LMNTD1: variants seen among roughly 807,000 people sequenced by gnomAD.
LMNTD1 encodes the protein lamin tail domain-containing protein 1.
A neutral mutation model predicts 50.9 loss-of-function variants in LMNTD1; 35 were observed. The observed-to-expected ratio is 0.69, with a 90% CI of 0.53 to 0.91. LMNTD1 has a LOEUF of 0.91. Among genes scored for constraint, LMNTD1 ranks in the 40% least tolerant of loss-of-function variants. The probability of loss-of-function intolerance (pLI) is 0.00; values close to 1 mark genes in which losing one functional copy is unlikely to be tolerated. For synonymous variants in LMNTD1, 153 were observed against 161.9 expected (o/e 0.94, Z 0.42); for missense variants, 470 against 475.5 (o/e 0.99, Z 0.11).
At chr12:25,568,103 C>T (rs1944634252) in intron 1 of LMNTD1, among the ~76,000 whole-genome samples, 1 of 152,104 alleles carries the variant, frequency 6.6e-6, no homozygotes, top group Non-Finnish European at 1.5e-5. Context: ...CAGTGAAGTC[C>T]AGTCTGAGAA....
chr12:25,490,124 T>C (rs939709865), intron 9 of LMNTD1, among the ~76,000 whole-genome samples: 2 of 152,236 alleles, frequency 1.3e-5, no homozygotes, highest in Admixed American at 1.3e-4. Flanking sequence ...TGTATTCTTC[T>C]GTAACACTAT....
At chr12:25,571,815 G>A (rs1944811780) in intron 1 of LMNTD1, among the ~76,000 whole-genome samples, 1 of 151,980 alleles carries the variant, frequency 6.6e-6, no homozygotes, top group South Asian at 2.1e-4. Context: ...GATTACAGGT[G>A]ACCACCACCA....
intron 1 of LMNTD1, among the ~76,000 whole-genome samples, chr12:25,630,066 C>T (rs969359619): frequency 3.3e-5 from 5 of 152,036 alleles, no homozygotes; most frequent in African/African-American, 1.2e-4. Context: ...AAAACCATTG[C>T]CACTTTTGGG....
intron 2 of LMNTD1, among the ~76,000 whole-genome samples, chr12:25,551,049 T>A (rs957793980): frequency 6.6e-6 from 1 of 152,208 alleles, no homozygotes; most frequent in Non-Finnish European, 1.5e-5. Flanking sequence ...AGAGGTAAAC[T>A]GTCAGATTAC....
intron 8 of LMNTD1, among the ~76,000 whole-genome samples, chr12:25,509,694 G>T (rs971498651): frequency 6.6e-6 from 1 of 152,120 alleles, no homozygotes; most frequent in African/African-American, 2.4e-5. Context: ...AGGTCCTGGT[G>T]GATTAGTATA....
chr12:25,601,698 T>C (rs1945980220), intron 1 of LMNTD1, among the ~76,000 whole-genome samples: 1 of 152,042 alleles, frequency 6.6e-6, no homozygotes, highest in South Asian at 2.1e-4. Flanking sequence ...TACAAGTTTA[T>C]AAAGAAAGAA....
chr12:25,476,249 G>C lies in LMNTD1; in HGVS notation c.*234C>G, dbSNP rs1021805553. 2 of 152,158 alleles carry C rather than the reference G, an allele frequency of 1.3e-5. No individual in the cohort carries two copies. Among genetic ancestry groups the C allele is most frequent in the African/African-American group, 4.8e-5 (2 of 41,436 alleles). The allele number at this position is 152,158 out of a possible 1,614,324, so 9.4% of individuals were successfully genotyped here. ...CTAACCATCTGCTTGTTTTCTGCAG[G>C]GATTTGGAAGGCAGGAGTGGTAGGA... On this transcript the variant is annotated 3_prime_UTR_variant, in exon 10 of 10. Transcript: ENST00000458174.
chr12:25,560,807 G>A (rs575348180), intron 1 of LMNTD1, among the ~76,000 whole-genome samples: 1 of 152,262 alleles, frequency 6.6e-6, no homozygotes, highest in South Asian at 2.1e-4. Context: ...GTGAATGGGA[G>A]TTCACTCATG....
At chr12:25,641,132 A>G (rs926833486) in intron 1 of LMNTD1, among the ~76,000 whole-genome samples, 2 of 152,190 alleles carry the variant, frequency 1.3e-5, no homozygotes, top group African/African-American at 2.4e-5. Context: ...GTACTCAACC[A>G]GTATGTTTTG....
At chr12:25,580,700 T>C (rs756225042) in intron 1 of LMNTD1, among the ~76,000 whole-genome samples, 2 of 152,214 alleles carry the variant, frequency 1.3e-5, no homozygotes, top group East Asian at 1.9e-4. Flanking sequence ...AGCTACACTA[T>C]GGATTTGGTA....
At chr12:25,492,878 T>G (rs929623302) in intron 9 of LMNTD1, among the ~76,000 whole-genome samples, 8 of 152,188 alleles carry the variant, frequency 5.3e-5, no homozygotes, top group Non-Finnish European at 1.0e-4. Flanking sequence ...AAGCTCACAA[T>G]CTACTTTTCT....
In LMNTD1 at chr12:25,520,152, A is replaced by G. The variant is rs893064439; in HGVS notation, c.799-77T>C. The stretch of plus-strand genomic sequence containing the variant: ...ATGCTGTTATGAGATATACATATAT[A>G]TATATATATATATATATATATATAG... On this transcript the variant is annotated intron_variant, in intron 6 of 9. Coordinates refer to ENST00000458174, the MANE Select transcript of LMNTD1 (RefSeq NM_001145728.2). 3.9e-4 allele frequency: 78 copies of G among 197,960 alleles called. 21 individuals carry two copies. The East Asian group carries it at 5.9e-3, about 15-fold the overall frequency. The allele number at this position is 197,960 out of a possible 1,614,324, so 12.3% of individuals were successfully genotyped here. A position where few individuals can be genotyped will look rare whatever the true frequency, so the allele number is the denominator to read the frequency against.
At chr12:25,501,029 G>C (rs550717168) in intron 9 of LMNTD1, among the ~76,000 whole-genome samples, 12 of 152,280 alleles carry the variant, frequency 7.9e-5, no homozygotes, top group African/African-American at 2.9e-4. Flanking sequence ...TCACTCTGTT[G>C]CCCGGGCTGG....
chr12:25,575,674 C>T (rs139877292), intron 1 of LMNTD1, among the ~76,000 whole-genome samples: 1 of 118,166 alleles, frequency 8.5e-6, no homozygotes, highest in Non-Finnish European at 1.8e-5. Context: ...GAGGCAAGAA[C>T]CCTAGCTCTA....
chr12:25,568,569 T>A (rs1244665344), intron 1 of LMNTD1, among the ~76,000 whole-genome samples: 1 of 152,198 alleles, frequency 6.6e-6, no homozygotes, highest in East Asian at 1.9e-4. Flanking sequence ...CAGAGACTTA[T>A]GAGGCAGCTC....
chr12:25,490,914 T>G (rs1938860310), intron 9 of LMNTD1, among the ~76,000 whole-genome samples: 1 of 152,214 alleles, frequency 6.6e-6, no homozygotes, highest in Admixed American at 6.5e-5. Flanking sequence ...GCAACTGCTG[T>G]AAGGACTAGT....
chr12:25,610,140 G>A lies in LMNTD1; in HGVS notation c.58+38354C>T, dbSNP rs565016681. ...AGGCTCTGTGGGCATGGGACCTGCTGAGCCATGCATGGGATTTAATTTCCT... is the reference window on the plus strand; with the variant it reads ...AGGCTCTGTGGGCATGGGACCTGCTAAGCCATGCATGGGATTTAATTTCCT... On this transcript the variant is annotated intron_variant, in intron 1 of 7. Transcript: ENST00000445693. 3.3e-5 allele frequency among the ~76,000 whole-genome samples: 5 copies of A among 152,290 alleles called. No individual in the cohort carries two copies. The South Asian group carries it at 8.3e-4, about 25-fold the overall frequency.
At chr12:25,517,637 G>T (rs1162504952) in intron 8 of LMNTD1, among the ~76,000 whole-genome samples, 1 of 137,588 alleles carries the variant, frequency 7.3e-6, no homozygotes. Flanking sequence ...CAGCATACCA[G>T]CATGGCACAT....
chr12:25,647,941 C>G (rs1415725869), intron 1 of LMNTD1, among the ~76,000 whole-genome samples: 1 of 152,158 alleles, frequency 6.6e-6, no homozygotes, highest in Non-Finnish European at 1.5e-5. Flanking sequence ...CTTTCTCTTC[C>G]TTTCCTTCCT....
Sources: allele counts gnomAD v4.1 joint callset (sites outside exome capture counted in the v4.1 genomes callset), GRCh38; gene constraint gnomAD v4.1.1; transcripts MANE v1.5; gene names NCBI Gene and HGNC (gene_info 2026-07-23, HGNC 2026-07-21).